The following FGF2 variants were observed in gnomAD, a reference collection of about 807,000 sequenced individuals.
FGF2 encodes fibroblast growth factor 2, also known as basic fibroblast growth factor bFGF.
FGF2 carries 13 observed loss-of-function variants against 15.9 expected under a neutral mutation model. The observed-to-expected ratio is 0.82, with a 90% CI of 0.53 to 1.30. The LOEUF (loss-of-function observed/expected upper bound fraction) is 1.30. Among genes scored for constraint, FGF2 ranks in the 50% most tolerant of loss-of-function variants. The pLI, the probability that FGF2 is intolerant of heterozygous loss-of-function variation, is 0.00. For missense variants in FGF2, 163 were observed against 196.9 expected (o/e 0.83, Z 1.03); for synonymous variants, 90 against 78.4 (o/e 1.15, Z -0.78).
Position 122,893,185 on chromosome 4 carries a change from T to C in FGF2, c.*789T>C, listed in dbSNP as rs1727240883. 6.2e-7 allele frequency: 1 copy of C among 1,612,658 alleles called. No individual in the cohort carries two copies. The highest frequency in any genetic ancestry group is 8.5e-7 in the Non-Finnish European group (1 of 1,179,226). On this transcript the variant is annotated 3_prime_UTR_variant, in exon 3 of 3. Coordinates refer to ENST00000644866, the MANE Select transcript of FGF2 (RefSeq NM_001361665.2). Reference sequence around the variant, plus strand: ...TCAGGACGGACCTGAATTCTGATTTTATACCAGTCTCTTCAAAAACTTCTC... The same window carrying C: ...TCAGGACGGACCTGAATTCTGATTTCATACCAGTCTCTTCAAAAACTTCTC...
chr4:122,866,738 T>C (rs1726603003), intron 1 of FGF2, among the ~76,000 whole-genome samples: 1 of 152,192 alleles, frequency 6.6e-6, no homozygotes, highest in South Asian at 2.1e-4. Flanking sequence ...TATATTGTGA[T>C]GAGAATGTAA....
intron 1 of FGF2, among the ~76,000 whole-genome samples, chr4:122,835,800 T>G (rs1725854512): frequency 1.3e-5 from 2 of 152,188 alleles, no homozygotes; most frequent in African/African-American, 4.8e-5. Context: ...TTCTTACTGT[T>G]TACCATCCAT....
At chr4:122,831,176 T>C (rs1725758636) in intron 1 of FGF2, among the ~76,000 whole-genome samples, 1 of 152,224 alleles carries the variant, frequency 6.6e-6, no homozygotes, top group Admixed American at 6.5e-5. Context: ...GTGGGTTTCC[T>C]CTTTTTTTAT....
chr4:122,858,806 A>T (rs923515148), intron 1 of FGF2, among the ~76,000 whole-genome samples: 5 of 152,196 alleles, frequency 3.3e-5, no homozygotes, highest in Admixed American at 1.3e-4. Context: ...ATGGAAGAAA[A>T]AAAAACAGTG....
At position 122,827,318 on chromosome 4, in the gene FGF2, A is replaced by T. The variant is rs183060480; in HGVS notation, c.144A>T (p.Arg48=). Residue 48 remains arginine, a synonymous_variant, in exon 1 of 3, where the codon CGA becomes CGT. Transcript: ENST00000644866. This position sits in a 1 kb window ranked among gnomAD's most constrained non-coding sequence, Gnocchi z 4.2. Reference sequence around the variant, plus strand: ...TCCTGCGCATCCACCCCGACGGCCGAGTTGACGGGGTCCGGGAGAAGAGCG... The same window carrying T: ...TCCTGCGCATCCACCCCGACGGCCGTGTTGACGGGGTCCGGGAGAAGAGCG... The part of the protein sequence containing the change: ...GFFLRIHPDG[R]VDGVREKSDP... 6.2e-7 allele frequency: 1 copy of T among 1,612,686 alleles called. No homozygotes were observed. Among genetic ancestry groups the T allele is most frequent in the Non-Finnish European group, 8.5e-7 (1 of 1,179,860 alleles).
At chr4:122,876,568 T>C in intron 2 of FGF2, 144 bp downstream of exon 2, 1 of 697,580 alleles carries the variant, frequency 1.4e-6, no homozygotes, top group South Asian at 1.6e-5. Context: ...GTATTTTCTT[T>C]ATTTCACAGA....
At chr4:122,873,297 C>G (rs192979295) in intron 1 of FGF2, among the ~76,000 whole-genome samples, 1 of 152,350 alleles carries the variant, frequency 6.6e-6, no homozygotes, top group East Asian at 1.9e-4. Context: ...TTGACCTGCT[C>G]CCAGCCTTCA....
Position 122,826,904 on chromosome 4 carries a change from C to T in FGF2, c.-271C>T. 1 of 1,505,894 alleles carries T rather than the reference C, an allele frequency of 6.6e-7. No homozygotes were observed. The highest frequency in any genetic ancestry group is 8.9e-7 in the Non-Finnish European group (1 of 1,129,266). The allele number at this position is 1,505,894 out of a possible 1,614,324, so 93.3% of individuals were successfully genotyped here. ...CTGCAGCTTGGGAGGCGGCTCTCCCCAGGCGGCGTCCGCGGAGACACCCAT... is the reference window on the plus strand; with the variant it reads ...CTGCAGCTTGGGAGGCGGCTCTCCCTAGGCGGCGTCCGCGGAGACACCCAT... On this transcript the variant is annotated 5_prime_UTR_variant, in exon 1 of 3. Transcript: ENST00000644866.
chr4:122,835,338 G>GTT (rs35967448), intron 1 of FGF2, among the ~76,000 whole-genome samples: 1 of 145,268 alleles, frequency 6.9e-6, no homozygotes. Context: ...ACTTTCTTCT[G>GTT]TTTTTTTTTT....
intron 1 of FGF2, among the ~76,000 whole-genome samples, chr4:122,838,573 A>G (rs1725912559): frequency 6.6e-6 from 1 of 152,158 alleles, no homozygotes; most frequent in South Asian, 2.1e-4. Context: ...AGTGTTTAGA[A>G]TACAAGTTCA....
In FGF2 at chr4:122,838,441, C is replaced by T. The variant is rs186332255; in HGVS notation, c.178+11089C>T. On this transcript the variant is annotated intron_variant, in intron 1 of 2. Transcript: ENST00000644866. ...ATATCTGTTTAATCTTAAATACAAA[C>T]TTATGAAGCAGGTGTTGTTATCTTC... Among the ~76,000 whole-genome samples the T allele has an allele frequency of 1.4e-3, 218 of 152,312 alleles. 2 individuals carry two copies. The highest frequency in any genetic ancestry group is 2.1e-3 in the Non-Finnish European group (144 of 68,020).
intron 1 of FGF2, among the ~76,000 whole-genome samples, chr4:122,839,330 G>T (rs567617442): frequency 2.0e-4 from 30 of 152,012 alleles, no homozygotes; most frequent in African/African-American, 7.0e-4. Flanking sequence ...AAAAATCGAG[G>T]GTATCTTTTC....
At chr4:122,834,322 T>G (rs1397048332) in intron 1 of FGF2, among the ~76,000 whole-genome samples, 1 of 152,244 alleles carries the variant, frequency 6.6e-6, no homozygotes, top group Non-Finnish European at 1.5e-5. Context: ...TAAAACTTTC[T>G]CAGGTATGCT....
In FGF2 at chr4:122,892,556, A is replaced by G. The variant is rs968361878; in HGVS notation, c.*160A>G. 24 of 1,459,708 alleles carry G rather than the reference A, an allele frequency of 1.6e-5. No homozygotes were observed. The highest frequency in any genetic ancestry group is 2.2e-5 in the Non-Finnish European group (24 of 1,110,712). The allele number at this position is 1,459,708 out of a possible 1,614,324, so 90.4% of individuals were successfully genotyped here. A position where few individuals can be genotyped will look rare whatever the true frequency, so the allele number is the denominator to read the frequency against. On this transcript the variant is annotated 3_prime_UTR_variant, in exon 3 of 3. Transcript: ENST00000644866. ...TAAAATATGTAACCATTGTCCCAGTAAAGAAAAATAACAAAAGTTGTAAAA... is the reference window on the plus strand; with the variant it reads ...TAAAATATGTAACCATTGTCCCAGTGAAGAAAAATAACAAAAGTTGTAAAA...
rs1725672588 is a variant in FGF2 at position 122,827,645 on chromosome 4, C to T, written c.178+293C>T. ...GGGGCCTCGCGGACTGGCTGTCTTCCCGCGGACAACCTGTCGCGTCGGGGA... is the reference window on the plus strand; with the variant it reads ...GGGGCCTCGCGGACTGGCTGTCTTCTCGCGGACAACCTGTCGCGTCGGGGA... On this transcript the variant is annotated intron_variant, in intron 1 of 2. Coordinates refer to ENST00000644866, the MANE Select transcript of FGF2 (RefSeq NM_001361665.2). This position sits in a 1 kb window ranked among gnomAD's most constrained non-coding sequence, Gnocchi z 4.2. Among the ~76,000 whole-genome samples, 1 of 152,154 alleles carries T rather than the reference C, an allele frequency of 6.6e-6. No individual in the cohort carries two copies. The highest frequency in any genetic ancestry group is 6.5e-5 in the Admixed American group (1 of 15,280).
chr4:122,862,466 T>C (rs1726491475), intron 1 of FGF2, among the ~76,000 whole-genome samples: 1 of 152,224 alleles, frequency 6.6e-6, no homozygotes, highest in Non-Finnish European at 1.5e-5. Flanking sequence ...AATAATAATT[T>C]GGCTTTTTGG....
intron 1 of FGF2, among the ~76,000 whole-genome samples, chr4:122,863,060 G>A (rs777669250): frequency 1.8e-4 from 27 of 152,088 alleles, no homozygotes; most frequent in Non-Finnish European, 2.8e-4. Context: ...AGAAAATCAC[G>A]TTTAAAAATT....
chr4:122,835,988 C>G (rs866302925), intron 1 of FGF2, among the ~76,000 whole-genome samples: 1 of 152,332 alleles, frequency 6.6e-6, no homozygotes, highest in Admixed American at 6.5e-5. Flanking sequence ...CTGGAAAAAT[C>G]CTTTAAGATC....
intron 1 of FGF2, among the ~76,000 whole-genome samples, chr4:122,844,647 C>CT (rs367641232): frequency 1.0e-4 from 13 of 130,182 alleles, no homozygotes; most frequent in African/African-American, 2.2e-4. Context: ...TTCTTTCTTT[C>CT]TTTTTTTTTG....
Sources: gnomAD v4.1 joint callset for allele counts (sites outside exome capture counted in the v4.1 genomes callset) on GRCh38, gnomAD v4.1.1 for gene constraint, Gnocchi (gnomAD v3.1) non-coding constraint, MANE v1.5 for transcripts, NCBI Gene and HGNC (gene_info 2026-07-23, HGNC 2026-07-21) for gene names.